PIK3R5: variants seen among roughly 807,000 people sequenced by gnomAD.
PIK3R5 encodes the protein phosphoinositide-3-kinase regulatory subunit 5.
In PIK3R5, 32 loss-of-function variants were observed where a neutral mutation model predicts 94.9. The ratio of observed to expected loss-of-function variants is 0.34; its 90% CI spans 0.25 to 0.45. PIK3R5 has a LOEUF of 0.45. Among genes scored for constraint, PIK3R5 ranks in the 20% least tolerant of loss-of-function variants. The pLI is 1.00. For missense variants in PIK3R5, 853 were observed against 1,144.6 expected, an observed-to-expected ratio of 0.75 and a Z score of 3.68; for synonymous variants, 443 against 479.4, an observed-to-expected ratio of 0.92 and a Z score of 0.99.
chr17:8,954,160 G>GT (rs768312370), intron 1 of PIK3R5, among the ~76,000 whole-genome samples: 3 of 152,240 alleles, frequency 2.0e-5, no homozygotes, highest in Non-Finnish European at 4.4e-5. Context: ...AGAAAAGGAA[G>GT]TTTTTTGTTC....
chr17:8,946,294 G>A (rs559340738), intron 1 of PIK3R5, among the ~76,000 whole-genome samples: 2 of 151,876 alleles, frequency 1.3e-5, no homozygotes, highest in East Asian at 3.9e-4. Flanking sequence ...ACTAGACCAC[G>A]TGTTCAGAAA....
At chr17:8,964,044 TC>T (rs1165956375) in intron 1 of PIK3R5, among the ~76,000 whole-genome samples, 2 of 152,240 alleles carry the variant, frequency 1.3e-5, no homozygotes, top group East Asian at 3.9e-4. Context: ...TCTACAAACA[TC>T]CACGGAGCAT....
chr17:8,880,826 C>G, intron 18 of PIK3R5, 40 bp from the exon 19 acceptor site: 5 of 1,612,936 alleles, frequency 3.1e-6, no homozygotes, highest in Non-Finnish European at 4.2e-6. Context: ...GAGCAGGCCC[C>G]CATCCTTCCA....
chr17:8,940,299 T>C (rs1027830730), intron 1 of PIK3R5, among the ~76,000 whole-genome samples: 5 of 152,228 alleles, frequency 3.3e-5, no homozygotes, highest in Non-Finnish European at 7.3e-5. Context: ...ACCTGTTTAC[T>C]TGACCATAAA....
At chr17:8,950,400 G>C (rs571132602) in intron 1 of PIK3R5, among the ~76,000 whole-genome samples, 1 of 152,038 alleles carries the variant, frequency 6.6e-6, no homozygotes, top group African/African-American at 2.4e-5. Context: ...ATTGCATCCA[G>C]GTAGTGAGCA....
At chr17:8,948,629 C>G (rs1355295555) in intron 1 of PIK3R5, among the ~76,000 whole-genome samples, 1 of 152,054 alleles carries the variant, frequency 6.6e-6, no homozygotes, top group Non-Finnish European at 1.5e-5. Flanking sequence ...CACTACACAC[C>G]CAGCAGAAGG....
intron 1 of PIK3R5, among the ~76,000 whole-genome samples, chr17:8,964,876 C>A (rs1385874954): frequency 6.6e-6 from 1 of 152,166 alleles, no homozygotes; most frequent in Admixed American, 6.5e-5. Flanking sequence ...TCGCTTTATA[C>A]CACATCCTGC....
chr17:8,929,291 C>T (rs554701364), intron 1 of PIK3R5, among the ~76,000 whole-genome samples: 1 of 152,224 alleles, frequency 6.6e-6, no homozygotes, highest in South Asian at 2.1e-4. Context: ...CATAACCCAA[C>T]CATTTGCTGT....
At position 8,888,362 on chromosome 17, in the gene PIK3R5, G is replaced by A; in HGVS notation, c.1425C>T (p.Arg475=). 1.2e-6 allele frequency: 2 copies of A among 1,610,726 alleles called. No homozygotes were observed. Among genetic ancestry groups the A allele is most frequent in the South Asian group, 2.2e-5 (2 of 90,964 alleles). The part of the protein sequence containing the change: ...EPVSPPSRAQ[R]SRSLPQPKLG... ...GTTTGGGCTGGGGCAGGGAGCGGGA[G>A]CGCTGGGCCCGGGAAGGGGGTGATA... is the stretch of plus-strand genomic sequence containing the variant. The change falls in exon 10 of 19, where the codon CGC becomes CGT. Residue 475 remains arginine, a synonymous_variant. Coordinates refer to ENST00000447110, the MANE Select transcript of PIK3R5 (RefSeq NM_001142633.3). The surrounding 1 kb of genome is among the most constrained non-coding windows in gnomAD (Gnocchi z 7.8).
intron 1 of PIK3R5, among the ~76,000 whole-genome samples, chr17:8,962,741 C>A (rs1053651461): frequency 6.6e-6 from 1 of 152,204 alleles, no homozygotes; most frequent in African/African-American, 2.4e-5. Context: ...ATACAATTAG[C>A]ACATTCAGTG....
chr17:8,900,078 C>T (rs1028649481), intron 5 of PIK3R5, among the ~76,000 whole-genome samples: 2 of 151,516 alleles, frequency 1.3e-5, no homozygotes, highest in African/African-American at 2.4e-5. Flanking sequence ...TCAACAAGCT[C>T]ATTTAAGGGT....
chr17:8,930,101 A>T (rs1271385979), intron 1 of PIK3R5, among the ~76,000 whole-genome samples: 1 of 152,246 alleles, frequency 6.6e-6, no homozygotes, highest in Non-Finnish European at 1.5e-5. Context: ...TCTAATAAAC[A>T]TGTTAGAGCA....
At chr17:8,883,420 G>A (rs994219053) in intron 15 of PIK3R5, among the ~76,000 whole-genome samples, 11 of 152,172 alleles carry the variant, frequency 7.2e-5, no homozygotes, top group African/African-American at 2.2e-4. Context: ...TAAGGCTCTT[G>A]GTATGCTGGT....
chr17:8,928,072 ACT>A (rs2090921796), intron 1 of PIK3R5, among the ~76,000 whole-genome samples: 1 of 152,160 alleles, frequency 6.6e-6, no homozygotes, highest in Admixed American at 6.5e-5. Flanking sequence ...TTTATAAATG[ACT>A]CAGCCTTGGG....
intron 6 of PIK3R5, among the ~76,000 whole-genome samples, chr17:8,891,820 G>T (rs1235029448): frequency 6.6e-6 from 1 of 151,612 alleles, no homozygotes; most frequent in African/African-American, 2.4e-5. Flanking sequence ...TAGCCAGGCT[G>T]GTCTTGAACT....
intron 5 of PIK3R5, among the ~76,000 whole-genome samples, chr17:8,900,119 G>C (rs908986009): frequency 6.6e-6 from 1 of 152,042 alleles, no homozygotes; most frequent in Non-Finnish European, 1.5e-5. Flanking sequence ...TTAACTATCT[G>C]TCATTAATTA....
intron 6 of PIK3R5, among the ~76,000 whole-genome samples, chr17:8,891,254 TG>T (rs2090016475): frequency 6.6e-6 from 1 of 152,238 alleles, no homozygotes; most frequent in Non-Finnish European, 1.5e-5. Context: ...ATTACTCAAA[TG>T]AGGATCATAT....
chr17:8,913,109 C>T (rs552424436), intron 1 of PIK3R5, among the ~76,000 whole-genome samples: 2 of 152,330 alleles, frequency 1.3e-5, no homozygotes, highest in South Asian at 2.1e-4. Flanking sequence ...AGAAGTGAAA[C>T]ATGCTGTAAA....
intron 3 of PIK3R5, 110 bp from the exon 4 acceptor site, chr17:8,905,847 T>TC: frequency 2.1e-6 from 1 of 478,156 alleles, no homozygotes; most frequent in South Asian, 3.2e-5. Context: ...TTTTTTTTTT[T>TC]AGGGGAAAAT....
Sources: gnomAD v4.1 joint callset for allele counts (sites outside exome capture counted in the v4.1 genomes callset) on GRCh38, gnomAD v4.1.1 for gene constraint, Gnocchi (gnomAD v3.1) non-coding constraint, MANE v1.5 for transcripts, NCBI Gene and HGNC (gene_info 2026-07-23, HGNC 2026-07-21) for gene names.